Variants in RBL2 observed in about 807,000 individuals in gnomAD.
RBL2 encodes retinoblastoma-like protein 2.
In RBL2, 56 loss-of-function variants were observed where a neutral mutation model predicts 126.0. The ratio of observed to expected loss-of-function variants is 0.44; its 90% CI spans 0.36 to 0.56. The LOEUF is 0.56. Ranked by LOEUF, RBL2 falls within the 20% of genes least tolerant of loss-of-function variation. The pLI, the probability that RBL2 is intolerant of heterozygous loss-of-function variation, is 0.00. For missense variants in RBL2, 1,229 were observed against 1,398.2 expected (o/e 0.88, Z 1.93); for synonymous variants, 454 against 478.5 (o/e 0.95, Z 0.67).
At chr16:53,441,964 G>T (rs556851139) in intron 2 of RBL2, among the ~76,000 whole-genome samples, 16 of 152,206 alleles carry the variant, frequency 1.1e-4, no homozygotes, top group African/African-American at 3.6e-4. Context: ...GGGATTACAG[G>T]TGCCCGCCAC....
intron 4 of RBL2, among the ~76,000 whole-genome samples, chr16:53,449,910 C>G (rs575520327): frequency 6.8e-6 from 1 of 147,478 alleles, no homozygotes; most frequent in South Asian, 2.1e-4. Flanking sequence ...AAATTAGATT[C>G]TGATCTTTAG....
At chr16:53,446,508 C>G (rs1436185964) in intron 3 of RBL2, among the ~76,000 whole-genome samples, 5 of 152,154 alleles carry the variant, frequency 3.3e-5, no homozygotes, top group African/African-American at 9.7e-5. Flanking sequence ...TAAAGCAGGT[C>G]TGAAACTTGG....
chr16:53,472,267 G>C (rs1378106354), intron 17 of RBL2, among the ~76,000 whole-genome samples: 1 of 152,108 alleles, frequency 6.6e-6, no homozygotes, highest in Non-Finnish European at 1.5e-5. Flanking sequence ...CAGTCCTTTT[G>C]AGTTTATTCC....
In RBL2 at chr16:53,442,716, C is replaced by G. The variant is rs1205772274; in HGVS notation, c.430C>G (p.His144Asp). The G allele has an allele frequency of 1.9e-6, 3 of 1,613,794 alleles. No homozygotes were observed. In the South Asian group the frequency reaches 3.3e-5, roughly 18 times the overall value. The change falls in exon 3 of 22, where the codon CAT becomes GAT. Residue 144 changes from histidine to aspartate, a missense_variant. By Grantham distance (81) the His-to-Asp change is moderately conservative. This residue lies in a region of RBL2 where 1,070 missense variants were observed against 1,274.3 expected (regional missense o/e 0.84). Coordinates refer to ENST00000262133, the MANE Select transcript of RBL2 (RefSeq NM_005611.4). ...KWEDMANLPP[H>D]FRERTERLER... ...GGAAGACATGGCAAATCTACCCCCA[C>G]ATTTCAGAGAACGTACTGAGAGATT...
intron 3 of RBL2, chr16:53,443,218 C>T (rs956129921): frequency 1.9e-5 from 3 of 154,854 alleles, no homozygotes; most frequent in South Asian, 4.0e-4. Context: ...ACCCTTTCGC[C>T]GCCTTGGAGA....
At chr16:53,480,126 A>G (rs1960886657) in intron 19 of RBL2, 135 bp downstream of exon 19, 7 of 640,130 alleles carry the variant, frequency 1.1e-5, no homozygotes, top group Non-Finnish European at 1.9e-5. Context: ...TCAGTAAACC[A>G]TATTCTAGCT....
chr16:53,456,616 C>G (rs1032099282), intron 8 of RBL2, among the ~76,000 whole-genome samples: 4 of 152,204 alleles, frequency 2.6e-5, no homozygotes, highest in African/African-American at 9.7e-5. Flanking sequence ...GGCCCTGGCT[C>G]TCTCTGAATT....
intron 17 of RBL2, among the ~76,000 whole-genome samples, chr16:53,476,826 C>G (rs532993348): frequency 2.0e-4 from 30 of 152,264 alleles, no homozygotes; most frequent in Middle Eastern, 3.4e-3. Flanking sequence ...CTGTATACCT[C>G]TTTCCATCCT....
At position 53,441,655 on chromosome 16, in the gene RBL2, G is replaced by A. The variant is rs546681924; in HGVS notation, c.372-1003G>A. On this transcript the variant is annotated intron_variant, in intron 2 of 21. Transcript: ENST00000262133. Reference sequence around the variant, plus strand: ...GCATTTATATAAAATGTAAAAACACGTAATAAGATATTGCTTATTGTTTAC... The same window carrying A: ...GCATTTATATAAAATGTAAAAACACATAATAAGATATTGCTTATTGTTTAC... Among the ~76,000 whole-genome samples, 12 of 152,212 alleles carry A rather than the reference G, an allele frequency of 7.9e-5. 1 individual carries two copies. The highest frequency in any genetic ancestry group is 1.7e-4 in the African/African-American group (7 of 41,526).
chr16:53,451,757 G>A lies in RBL2; in HGVS notation c.692G>A (p.Cys231Tyr). ...DLVNSYHLLL[C>Y]ALDLVYGNAL... is the part of the protein sequence containing the mutation. ...GTCAATTCTTATCACCTGCTGCTGT[G>A]TGCTTTGGACTTAGTTTATGGAAAT... The change falls in exon 5 of 22, where the codon TGT (cysteine) becomes TAT (tyrosine). Residue 231 changes from cysteine (C) to tyrosine (Y), a missense_variant. Physicochemically the swap from Cys to Tyr is radical, Grantham distance 194. This residue lies in a region of RBL2 where 1,070 missense variants were observed against 1,274.3 expected (regional missense o/e 0.84). Transcript: ENST00000262133. 6.2e-7 allele frequency: 1 copy of A among 1,613,536 alleles called. No homozygotes were observed. Among genetic ancestry groups the A allele is most frequent in the Non-Finnish European group, 8.5e-7 (1 of 1,179,526 alleles).
chr16:53,449,176 T>C (rs1454182684), intron 4 of RBL2: 1 of 152,204 alleles, frequency 6.6e-6, no homozygotes, highest in Non-Finnish European at 1.5e-5. Context: ...TTATGTATGA[T>C]GGTAATCTTT....
At chr16:53,438,975 G>A in intron 1 of RBL2, 41 bp from the exon 2 acceptor site, 1 of 1,317,418 alleles carries the variant, frequency 7.6e-7, no homozygotes, top group Non-Finnish European at 1.0e-6. Context: ...ATATTTATAT[G>A]TAGCTTTTTA....
Position 53,442,764 on chromosome 16 carries a change from G to A in RBL2, c.478G>A (p.Ala160Thr). 2.5e-6 allele frequency: 4 copies of A among 1,612,856 alleles called. No homozygotes were observed. The African/African-American group carries it at 4.0e-5, about 16-fold the overall frequency. ...ATTAGAAAGAAACTTCACTGTTTCT[G>A]CTGTAATTTTTAAGAAATATGAACC... Reference protein sequence around the residue: ...ERLERNFTVSAVIFKKYEPIF... With the variant: ...ERLERNFTVSTVIFKKYEPIF... Residue 160 changes from alanine to threonine, a missense_variant, in exon 3 of 22, where the codon GCT (alanine) becomes ACT (threonine). Transcript: ENST00000262133.
At chr16:53,481,409 A>G (rs973323751) in intron 20 of RBL2, 7 of 339,686 alleles carry the variant, frequency 2.1e-5, no homozygotes, top group Non-Finnish European at 3.7e-5. Context: ...AAATGGGAAT[A>G]TAACTAGTTC....
chr16:53,484,350 A>G (rs1961075984), intron 21 of RBL2, among the ~76,000 whole-genome samples: 1 of 152,250 alleles, frequency 6.6e-6, no homozygotes, highest in South Asian at 2.1e-4. Flanking sequence ...AACATACAGG[A>G]AAATAGCATT....
chr16:53,463,987 G>T (rs1207984504), intron 11 of RBL2, among the ~76,000 whole-genome samples: 1 of 152,054 alleles, frequency 6.6e-6, no homozygotes, highest in Non-Finnish European at 1.5e-5. Flanking sequence ...TCTCTTTTAA[G>T]ATACATTTTA....
rs138458893 is a variant in RBL2, at chr16:53,461,825, C to G, written c.1431C>G (p.Asp477Glu). 1 of 1,611,908 alleles carries G rather than the reference C, an allele frequency of 6.2e-7. No homozygotes were observed. Among genetic ancestry groups the G allele is most frequent in the Non-Finnish European group, 8.5e-7 (1 of 1,178,736 alleles). Residue 477 changes from aspartate (D) to glutamate (E), a missense_variant, in exon 10 of 22, where the codon GAC (aspartate) becomes GAG (glutamate). By Grantham distance (45) the Asp-to-Glu change is conservative. Coordinates refer to ENST00000262133, the MANE Select transcript of RBL2 (RefSeq NM_005611.4). The part of the protein sequence containing the change: ...FEIYSQHFQP[D>E]EDFSNCAKEI... ...TATATTCTCAGCATTTCCAGCCAGA[C>G]GAGGATTTCAGTAATTGTGCTAAAG...
At chr16:53,476,297 G>GT (rs934722406) in intron 17 of RBL2, among the ~76,000 whole-genome samples, 3 of 152,118 alleles carry the variant, frequency 2.0e-5, no homozygotes, top group East Asian at 1.9e-4. Flanking sequence ...CTTCGTATTT[G>GT]TAAGTTTCCC....
intron 11 of RBL2, among the ~76,000 whole-genome samples, chr16:53,463,795 G>GA (rs961425823): frequency 2.0e-5 from 3 of 151,880 alleles, no homozygotes; most frequent in African/African-American, 7.3e-5. Context: ...TCAAACTCCT[G>GA]ACGTCAGGTG....
Sources: allele counts gnomAD v4.1 joint callset (sites outside exome capture counted in the v4.1 genomes callset), GRCh38; gene constraint gnomAD v4.1.1; regional missense constraint gnomAD v4.1.1; transcripts MANE v1.5; gene names NCBI Gene and HGNC (gene_info 2026-07-23, HGNC 2026-07-21).